The following GGT5 variants were observed in gnomAD, a reference collection of about 807,000 sequenced individuals.
The protein encoded by GGT5 is glutathione hydrolase 5 proenzyme.
A neutral mutation model predicts 58.1 loss-of-function variants in GGT5; 50 were observed. The observed-to-expected ratio is 0.86, with a 90% CI of 0.69 to 1.09. The LOEUF (loss-of-function observed/expected upper bound fraction) is 1.09. Among genes scored for constraint, GGT5 ranks in the 50% least tolerant of loss-of-function variants. The pLI, the probability that GGT5 is intolerant of heterozygous loss-of-function variation, is 0.00. For synonymous variants in GGT5, 370 were observed against 346.1 expected (o/e 1.07, Z -0.77); for missense variants, 800 against 789.4 (o/e 1.01, Z -0.16).
At chr22:24,244,315 A>C (rs1271863287) in intron 1 of GGT5, 15 of 439,446 alleles carry the variant, frequency 3.4e-5, no homozygotes, top group Non-Finnish European at 4.5e-5. Context: ...ACACACACAC[A>C]CCCACCCACA....
Position 24,219,931 on chromosome 22 carries a change from A to T in GGT5, c.*39T>A. The stretch of plus-strand genomic sequence containing the variant: ...CATGTCCGGCCTGGACACAGGACTC[A>T]TGGTGGGGCCAGACTTCAGCTCTGG... On this transcript the variant is annotated 3_prime_UTR_variant, in exon 12 of 12. Coordinates refer to ENST00000327365, the MANE Select transcript of GGT5 (RefSeq NM_004121.5). The T allele has an allele frequency of 6.2e-7, 1 of 1,605,674 alleles. No individual in the cohort carries two copies. Among genetic ancestry groups the T allele is most frequent in the African/African-American group, 1.3e-5 (1 of 74,850 alleles).
intron 1 of GGT5, among the ~76,000 whole-genome samples, chr22:24,239,369 G>A (rs1051830462): frequency 2.6e-5 from 4 of 151,948 alleles, no homozygotes; most frequent in Admixed American, 6.6e-5. Flanking sequence ...AGAGGTAAAC[G>A]TGTGGGTAAA....
intron 5 of GGT5, 149 bp downstream of exon 5, chr22:24,231,902 C>T (rs374187274): frequency 1.5e-5 from 10 of 673,582 alleles, no homozygotes; most frequent in African/African-American, 7.2e-5. Context: ...GTCCTTGGGC[C>T]GGCAGAGCTA....
At chr22:24,234,128 A>T in intron 1 of GGT5, 124 bp from the exon 2 acceptor site, 1 of 869,458 alleles carries the variant, frequency 1.2e-6, no homozygotes, top group Non-Finnish European at 1.8e-6. Context: ...ACCAAACCGC[A>T]GATTAGGTTG....
At chr22:24,241,981 T>A (rs761697540) in intron 1 of GGT5, 19 of 151,962 alleles carry the variant, frequency 1.3e-4, no homozygotes, top group Non-Finnish European at 2.5e-4. Flanking sequence ...CATGCCCAGC[T>A]AATTTTTGTA....
chr22:24,232,130 C>A lies in GGT5; in HGVS notation c.675G>T (p.Glu225Asp), dbSNP rs1229626873. 8 of 1,608,740 alleles carry A rather than the reference C, an allele frequency of 5.0e-6. No homozygotes were observed. The highest frequency in any genetic ancestry group is 3.3e-5 in the South Asian group (3 of 90,252). The part of the protein sequence containing the change: ...LPWPALATTL[E>D]TVATEGVEVF... ...CCTCCACGCCCTCTGTGGCCACGGTCTCCAGGGTGGTGGCCAGTGCAGGCC... is the reference window on the plus strand; with the variant it reads ...CCTCCACGCCCTCTGTGGCCACGGTATCCAGGGTGGTGGCCAGTGCAGGCC... The change falls in exon 5 of 12, where the codon GAG (glutamate) becomes GAT (aspartate). Residue 225 changes from glutamate to aspartate, a missense_variant. Transcript: ENST00000327365.
Position 24,233,987 on chromosome 22 carries a change from T to G in GGT5, c.191A>C (p.Gln64Pro). The change falls in exon 2 of 12, where the codon CAG becomes CCG. Residue 64 changes from glutamine (Q) to proline (P), a missense_variant. Gln to Pro is a moderately conservative substitution (Grantham distance 76). Coordinates refer to ENST00000327365, the MANE Select transcript of GGT5 (RefSeq NM_004121.5). Reference sequence around the variant, plus strand: ...GATGGTGGCATCCACGGGTGAGCCCTGCTGCTGGAGGATGGCTCTAGGGGA... The same window carrying G: ...GATGGTGGCATCCACGGGTGAGCCCGGCTGCTGGAGGATGGCTCTAGGGGA... Reference protein sequence around the residue: ...SDIGRAILQQQGSPVDATIAA... With the variant: ...SDIGRAILQQPGSPVDATIAA... 1 of 1,611,710 alleles carries G rather than the reference T, an allele frequency of 6.2e-7. No homozygotes were observed. The highest frequency in any genetic ancestry group is 8.5e-7 in the Non-Finnish European group (1 of 1,179,172).
At position 24,238,825 on chromosome 22, in the gene GGT5, ATATATAT is replaced by A. The variant is rs1569371576; in HGVS notation, c.174-4828_174-4822del. Among the ~76,000 whole-genome samples the A allele has an allele frequency of 2.4e-3, 35 of 14,732 alleles. 3 individuals are homozygous for A. The highest frequency in any genetic ancestry group is 3.3e-3 in the Non-Finnish European group (33 of 10,090). The allele number at this position is 14,732 out of a possible 152,430, so 9.7% of individuals were successfully genotyped here. ...TATATATAATATATTATATATATAT[ATATATAT>A]TTATATATATATATTATATATATTA... On this transcript the variant is annotated intron_variant, in intron 1 of 11. Coordinates refer to ENST00000327365, the MANE Select transcript of GGT5 (RefSeq NM_004121.5).
At chr22:24,240,913 T>A (rs138021682) in intron 1 of GGT5, among the ~76,000 whole-genome samples, 2,691 of 152,262 alleles carry the variant, frequency 0.018, 44 homozygotes, top group Non-Finnish European at 0.027. Context: ...ATCCCAGCAC[T>A]TTGGGAGGCC....
chr22:24,219,786 G>A lies in GGT5; in HGVS notation c.*184C>T. ...CAGGACCACCAGGGGCTCTGGGAAAGGGGGTTAGGGATGAGGCTCAGCCTC... is the reference window on the plus strand; with the variant it reads ...CAGGACCACCAGGGGCTCTGGGAAAAGGGGTTAGGGATGAGGCTCAGCCTC... On this transcript the variant is annotated 3_prime_UTR_variant, in exon 12 of 12. Coordinates refer to ENST00000327365, the MANE Select transcript of GGT5 (RefSeq NM_004121.5). The A allele has an allele frequency of 1.7e-6, 1 of 604,796 alleles. No homozygotes were observed. The highest frequency in any genetic ancestry group is 2.1e-5 in the South Asian group (1 of 48,544). The allele number at this position is 604,796 out of a possible 1,614,324, so 37.5% of individuals were successfully genotyped here.
chr22:24,226,336 G>T, intron 7 of GGT5, 70 bp from the exon 8 acceptor site: 2 of 1,284,164 alleles, frequency 1.6e-6, no homozygotes, highest in Non-Finnish European at 1.1e-6. Context: ...AGGGCAGGAT[G>T]AGATCAGCCC....
Position 24,232,846 on chromosome 22 carries a change from A to C in GGT5, c.573T>G (p.Pro191=), listed in dbSNP as rs752077447. The change falls in exon 4 of 12, where the codon CCT becomes CCG. Residue 191 remains proline, a synonymous_variant. Transcript: ENST00000327365. ...SRFLHNSILR[P]SLQASTLRQL... ...ACCGCAGGGTTGACGCCTGCAAGGAAGGCCGCAGGATGCTGTTGTGCAGGA... is the reference window on the plus strand; with the variant it reads ...ACCGCAGGGTTGACGCCTGCAAGGACGGCCGCAGGATGCTGTTGTGCAGGA... The C allele has an allele frequency of 6.4e-7, 1 of 1,552,320 alleles. No homozygotes were observed. Among genetic ancestry groups the C allele is most frequent in the South Asian group, 1.2e-5 (1 of 83,704 alleles).
intron 5 of GGT5, among the ~76,000 whole-genome samples, 199 bp from the exon 6 acceptor site, chr22:24,231,729 A>G (rs1384036061): frequency 6.6e-6 from 1 of 152,130 alleles, no homozygotes; most frequent in Non-Finnish European, 1.5e-5. Context: ...GACCAGAGGC[A>G]GGGAGGCTGG....
At chr22:24,224,073 T>A (rs2047676777) in intron 11 of GGT5, among the ~76,000 whole-genome samples, 1 of 151,634 alleles carries the variant, frequency 6.6e-6, no homozygotes, top group South Asian at 2.1e-4. Context: ...ACTATCAATC[T>A]TTTAAATAGG....
At chr22:24,232,237 G>T in intron 4 of GGT5, 29 bp from the exon 5 acceptor site, 1 of 1,354,110 alleles carries the variant, frequency 7.4e-7, no homozygotes, top group Non-Finnish European at 1.0e-6. Context: ...CTCAGGGTGG[G>T]GCCAGGTCCC....
intron 4 of GGT5, 133 bp from the exon 5 acceptor site, chr22:24,232,341 G>A (rs2047970551): frequency 5.3e-6 from 3 of 566,388 alleles, no homozygotes; most frequent in African/African-American, 1.9e-5. Flanking sequence ...AGGCACTGGG[G>A]TGGACACCGG....
At chr22:24,222,527 G>A (rs969750796) in intron 11 of GGT5, among the ~76,000 whole-genome samples, 3 of 152,166 alleles carry the variant, frequency 2.0e-5, no homozygotes, top group African/African-American at 7.2e-5. Context: ...CCTAGTCCCT[G>A]GGCCTTAGCT....
At chr22:24,240,517 C>T (rs2071887227) in intron 1 of GGT5, among the ~76,000 whole-genome samples, 1 of 151,394 alleles carries the variant, frequency 6.6e-6, no homozygotes, top group African/African-American at 2.4e-5. Flanking sequence ...GAGATAGAGC[C>T]TCACTCTGTC....
At chr22:24,220,826 G>T in intron 11 of GGT5, 2 of 371,176 alleles carry the variant, frequency 5.4e-6, no homozygotes, top group South Asian at 4.1e-5. Flanking sequence ...GAGCTCAGGA[G>T]TTCAAGACCA....
Sources: gnomAD v4.1 joint callset for allele counts (sites outside exome capture counted in the v4.1 genomes callset) on GRCh38, gnomAD v4.1.1 for gene constraint, MANE v1.5 for transcripts, NCBI Gene and HGNC (gene_info 2026-07-23, HGNC 2026-07-21) for gene names.